The following BSDC1 variants were observed in gnomAD, a reference collection of about 807,000 sequenced individuals.
BSDC1 encodes BSD domain containing 1, also known as BSD domain-containing protein 1.
A neutral mutation model predicts 56.0 loss-of-function variants in BSDC1; 29 were observed. That is an observed-to-expected ratio of 0.52 (90% CI 0.39 to 0.71). BSDC1 has a LOEUF of 0.71. Ranked by LOEUF, BSDC1 falls within the 30% of genes least tolerant of loss-of-function variation. The probability of loss-of-function intolerance (pLI) is 0.00; values close to 1 mark genes in which losing one functional copy is unlikely to be tolerated. For synonymous variants in BSDC1, 210 were observed against 215.3 expected (o/e 0.98, Z 0.21); for missense variants, 477 against 548.5 (o/e 0.87, Z 1.30).
At chr1:32,367,499 A>C in intron 10 of BSDC1, 4 of 985,428 alleles carry the variant, frequency 4.1e-6, no homozygotes, top group East Asian at 1.1e-4. Context: ...ATGTCTCTCT[A>C]ATCTGTCCAC....
rs41265845 is a variant in BSDC1 at position 32,365,574 on chromosome 1, T to A, written c.*1048A>T. Reference sequence around the variant, plus strand: ...CCCTCATTCCCCCAGAGGTGCAGCTTTACCAGAGTGGAGGGTGAGAGCACA... The same window carrying A: ...CCCTCATTCCCCCAGAGGTGCAGCTATACCAGAGTGGAGGGTGAGAGCACA... On this transcript the variant is annotated 3_prime_UTR_variant, in exon 11 of 11. Coordinates refer to ENST00000455895, the MANE Select transcript of BSDC1 (RefSeq NM_018045.8). The A allele has an allele frequency of 1.3e-3, 193 of 152,738 alleles. No individual in the cohort carries two copies. Among genetic ancestry groups the A allele is most frequent in the Admixed American group, 2.8e-3 (43 of 15,300 alleles). 9.5% of individuals were successfully genotyped at this position (152,738 alleles called of 1,614,324 possible).
chr1:32,393,409 T>G (rs1642934796), intron 2 of BSDC1, among the ~76,000 whole-genome samples: 1 of 152,222 alleles, frequency 6.6e-6, no homozygotes, highest in African/African-American at 2.4e-5. Flanking sequence ...CATGCTCATC[T>G]CTGGCTTGGG....
chr1:32,383,828 ACCTTGGTG>A lies in BSDC1; in HGVS notation c.351_357+1del. On this transcript the variant is annotated splice_donor_variant and coding_sequence_variant, in exon 4 of 11. Coordinates refer to ENST00000455895, the MANE Select transcript of BSDC1 (RefSeq NM_018045.8). LOFTEE classifies it high-confidence loss of function. ...TCTGCAGGGGAGACTGTCAGTGAAT[ACCTTGGTG>A]CCATCATAGGGCTCAGCTGTGCCAG... The A allele has an allele frequency of 6.2e-7, 1 of 1,612,032 alleles. No individual in the cohort carries two copies. The highest frequency in any genetic ancestry group is 1.1e-5 in the South Asian group (1 of 90,998).
chr1:32,379,160 T>C (rs543796454), intron 5 of BSDC1, among the ~76,000 whole-genome samples: 2 of 152,276 alleles, frequency 1.3e-5, no homozygotes, highest in East Asian at 3.9e-4. Context: ...TCTATTTCTC[T>C]GTCTTCCCTC....
intron 2 of BSDC1, among the ~76,000 whole-genome samples, chr1:32,387,744 G>A (rs1420486224): frequency 1.3e-5 from 2 of 152,056 alleles, no homozygotes; most frequent in Admixed American, 6.6e-5. Flanking sequence ...ATTTGCCTTC[G>A]GGTTTAAGAA....
At chr1:32,380,851 G>A (rs1054577821) in intron 5 of BSDC1, among the ~76,000 whole-genome samples, 2 of 152,174 alleles carry the variant, frequency 1.3e-5, no homozygotes, top group African/African-American at 4.8e-5. Flanking sequence ...GGTTGGACTA[G>A]GTGGAGGGTT....
intron 3 of BSDC1, among the ~76,000 whole-genome samples, chr1:32,384,962 T>C (rs892476171): frequency 1.3e-5 from 2 of 152,168 alleles, no homozygotes; most frequent in African/African-American, 4.8e-5. Flanking sequence ...TGCTCATCAG[T>C]AGCTGTGATT....
chr1:32,367,300 C>T, intron 10 of BSDC1: 1 of 985,456 alleles, frequency 1.0e-6, no homozygotes, highest in Non-Finnish European at 1.2e-6. Context: ...CTCACGTGTA[C>T]TGCACGTCAG....
intron 9 of BSDC1, among the ~76,000 whole-genome samples, chr1:32,371,170 T>C (rs370717013): frequency 3.9e-5 from 6 of 152,096 alleles, no homozygotes; most frequent in Non-Finnish European, 7.3e-5. Flanking sequence ...AATGTGCCCA[T>C]AGATGCATGC....
intron 10 of BSDC1, chr1:32,368,057 A>T: frequency 8.3e-7 from 1 of 1,204,744 alleles, no homozygotes; most frequent in Non-Finnish European, 1.0e-6. Context: ...TCAAAAACAG[A>T]AATGGGGTCT....
At chr1:32,393,953 A>G in intron 2 of BSDC1, 127 bp downstream of exon 2, 1 of 851,884 alleles carries the variant, frequency 1.2e-6, no homozygotes, top group East Asian at 2.7e-5. Context: ...AGGCTAAAAG[A>G]AAGGCCCAGG....
At chr1:32,381,767 T>C (rs1026269678) in intron 4 of BSDC1, among the ~76,000 whole-genome samples, 11 of 152,362 alleles carry the variant, frequency 7.2e-5, no homozygotes, top group Admixed American at 5.9e-4. Flanking sequence ...TTCCTCAGTA[T>C]TGCAGGAAGC....
At chr1:32,382,636 G>A (rs1642521433) in intron 4 of BSDC1, among the ~76,000 whole-genome samples, 1 of 151,176 alleles carries the variant, frequency 6.6e-6, no homozygotes, top group Admixed American at 6.6e-5. Context: ...TGAGGTAGGA[G>A]GATCACTTGA....
Position 32,366,143 on chromosome 1 carries a change from A to C in BSDC1, c.*479T>G. On this transcript the variant is annotated 3_prime_UTR_variant, in exon 11 of 11. Transcript: ENST00000455895. ...CCTCTTACCCACTGGGATAGGAACC[A>C]AAATGTGTTCACTGTCCCTGTTTAG... The C allele has an allele frequency of 5.3e-6, 1 of 189,366 alleles. No homozygotes were observed. The allele number at this position is 189,366 out of a possible 1,614,324, so 11.7% of individuals were successfully genotyped here.
intron 3 of BSDC1, among the ~76,000 whole-genome samples, chr1:32,384,396 C>A (rs1405030386): frequency 6.6e-6 from 1 of 152,120 alleles, no homozygotes; most frequent in Non-Finnish European, 1.5e-5. Context: ...CTTGCTCTAC[C>A]ACTTGTTGGT....
In BSDC1 at chr1:32,365,075, A is replaced by G. The variant is rs1272848985; in HGVS notation, c.*1547T>C. On this transcript the variant is annotated 3_prime_UTR_variant, in exon 11 of 11. Transcript: ENST00000455895. ...CTGCCCTGGCCCAGTGCAGCTGCCA[A>G]GGGGACAAAAACAGACCCCCAGACA... The G allele has an allele frequency of 6.6e-6, 1 of 152,222 alleles. No individual in the cohort carries two copies. Among genetic ancestry groups the G allele is most frequent in the Non-Finnish European group, 1.5e-5 (1 of 68,058 alleles). 9.4% of individuals were successfully genotyped at this position (152,222 alleles called of 1,614,324 possible).
intron 3 of BSDC1, among the ~76,000 whole-genome samples, chr1:32,386,146 G>A (rs141161111): frequency 8.2e-4 from 124 of 152,012 alleles, no homozygotes; most frequent in Middle Eastern, 6.8e-3. Context: ...GGTGCACCCC[G>A]TCTCTACTAA....
intron 10 of BSDC1, 117 bp downstream of exon 10, chr1:32,368,330 C>T: frequency 6.2e-7 from 1 of 1,612,870 alleles, no homozygotes; most frequent in Non-Finnish European, 8.5e-7. Context: ...TTCCCACCAC[C>T]TGTCACCTCA....
At position 32,378,388 on chromosome 1, in the gene BSDC1, G is replaced by T; in HGVS notation, c.529-105C>A. ...CCAGCCAGTCTGGATTTCAGACCCA[G>T]TAAGTGGCTTAGCAGTGACAGTCAG... On this transcript the variant is annotated intron_variant, in intron 6 of 10. Coordinates refer to ENST00000455895, the MANE Select transcript of BSDC1 (RefSeq NM_018045.8). This position sits in a 1 kb window ranked among gnomAD's most constrained non-coding sequence, Gnocchi z 5.2. 8.7e-7 allele frequency: 1 copy of T among 1,143,456 alleles called. No individual in the cohort carries two copies. The highest frequency in any genetic ancestry group is 1.3e-6 in the Non-Finnish European group (1 of 771,146). The allele number at this position is 1,143,456 out of a possible 1,614,324, so 70.8% of individuals were successfully genotyped here.
Sources: gnomAD v4.1 joint callset for allele counts (sites outside exome capture counted in the v4.1 genomes callset) on GRCh38, gnomAD v4.1.1 for gene constraint, Gnocchi (gnomAD v3.1) non-coding constraint, MANE v1.5 for transcripts, NCBI Gene and HGNC (gene_info 2026-07-23, HGNC 2026-07-21) for gene names.